The following HECW2 variants were observed in gnomAD, a reference collection of about 807,000 sequenced individuals.
The protein encoded by HECW2 is HECT, C2 and WW domain containing E3 ubiquitin protein ligase 2.
Under a neutral mutation model 175.2 loss-of-function variants are expected in HECW2, and 61 were observed. The observed-to-expected ratio is 0.35, with a 90% confidence interval of 0.28 to 0.43. The LOEUF (loss-of-function observed/expected upper bound fraction) is 0.43. HECW2 is among the 20% of genes least tolerant of loss of function. The pLI is 1.00. For missense variants in HECW2, 1,524 were observed against 2,000.5 expected, an observed-to-expected ratio of 0.76 and a Z score of 4.54; for synonymous variants, 671 against 731.0, an observed-to-expected ratio of 0.92 and a Z score of 1.32.
At chr2:196,217,274 C>A in intron 26 of HECW2, 181 bp from the exon 27 acceptor site, 1 of 437,600 alleles carries the variant, frequency 2.3e-6, no homozygotes, top group Non-Finnish European at 4.1e-6. Flanking sequence ...AAAAGTTAAA[C>A]AAAAACAACA....
At chr2:196,238,507 T>G (rs567000121) in intron 21 of HECW2, 1 of 152,194 alleles carries the variant, frequency 6.6e-6, no homozygotes, top group Non-Finnish European at 1.5e-5. Context: ...ACTGTTTTCA[T>G]CTCTCAAAAA....
intron 1 of HECW2, among the ~76,000 whole-genome samples, chr2:196,444,705 T>C (rs1046766739): frequency 6.6e-6 from 1 of 152,182 alleles, no homozygotes; most frequent in African/African-American, 2.4e-5. Context: ...AGGAACCAAG[T>C]TGGACAAGGG....
At chr2:196,496,377 T>C (rs944216011) in intron 1 of HECW2, among the ~76,000 whole-genome samples, 12 of 150,994 alleles carry the variant, frequency 7.9e-5, no homozygotes, top group Admixed American at 6.6e-4. Flanking sequence ...TGGGTTGATA[T>C]GAGCAACACT....
At chr2:196,309,360 A>C (rs1045120946) in intron 10 of HECW2, among the ~76,000 whole-genome samples, 1 of 152,062 alleles carries the variant, frequency 6.6e-6, no homozygotes, top group African/African-American at 2.4e-5. Flanking sequence ...ACAGCAAACA[A>C]CTCAATGCCA....
intron 1 of HECW2, among the ~76,000 whole-genome samples, chr2:196,590,268 C>G (rs1691138922): frequency 6.6e-6 from 1 of 152,140 alleles, no homozygotes; most frequent in African/African-American, 2.4e-5. Context: ...ATCTCGTCAC[C>G]TTTCTAATCT....
intron 1 of HECW2, among the ~76,000 whole-genome samples, chr2:196,446,795 T>A (rs1247400162): frequency 6.6e-6 from 1 of 152,090 alleles, no homozygotes; most frequent in African/African-American, 2.4e-5. Context: ...ATAACCACAT[T>A]AGGAAGAAAG....
At chr2:196,284,728 A>T (rs928382866) in intron 14 of HECW2, among the ~76,000 whole-genome samples, 8 of 152,236 alleles carry the variant, frequency 5.3e-5, no homozygotes, top group African/African-American at 1.9e-4. Context: ...CCAGCAATGA[A>T]GCTGACCTAG....
intron 22 of HECW2, among the ~76,000 whole-genome samples, chr2:196,226,811 T>C (rs1687867938): frequency 6.6e-6 from 1 of 152,226 alleles, no homozygotes; most frequent in Non-Finnish European, 1.5e-5. Context: ...ATTCAAGAAT[T>C]GTGCACATGG....
intron 14 of HECW2, among the ~76,000 whole-genome samples, chr2:196,284,325 T>C (rs928380754): frequency 8.5e-5 from 13 of 152,232 alleles, no homozygotes; most frequent in African/African-American, 3.1e-4. Flanking sequence ...CAAGGGGCTC[T>C]ATTTCAGAGT....
chr2:196,265,863 G>A (rs1689494296), intron 17 of HECW2, among the ~76,000 whole-genome samples: 1 of 152,058 alleles, frequency 6.6e-6, no homozygotes, highest in Non-Finnish European at 1.5e-5. Context: ...TCACCTGGTG[G>A]GTAAATTGCA....
intron 2 of HECW2, among the ~76,000 whole-genome samples, chr2:196,430,122 G>C (rs144642714): frequency 1.0e-3 from 157 of 152,250 alleles, no homozygotes; most frequent in African/African-American, 3.8e-3. Context: ...ACCATACACT[G>C]ATTTTACCAC....
chr2:196,408,727 A>G (rs1695029244), intron 2 of HECW2, among the ~76,000 whole-genome samples: 2 of 152,214 alleles, frequency 1.3e-5, no homozygotes, highest in South Asian at 4.1e-4. Context: ...CAAAGGAAAT[A>G]TCTCCCTTTA....
chr2:196,300,445 A>G (rs1691002031), intron 13 of HECW2, among the ~76,000 whole-genome samples: 1 of 152,248 alleles, frequency 6.6e-6, no homozygotes, highest in Admixed American at 6.5e-5. Flanking sequence ...ACATGAAGAA[A>G]TGTAAGTCTA....
At chr2:196,346,186 T>TA (rs1460267714) in intron 2 of HECW2, among the ~76,000 whole-genome samples, 1 of 152,266 alleles carries the variant, frequency 6.6e-6, no homozygotes, top group Non-Finnish European at 1.5e-5. Context: ...GACCTCACTG[T>TA]AAAAGTGTAT....
intron 1 of HECW2, among the ~76,000 whole-genome samples, chr2:196,491,499 TATACACACAC>T (rs1687194917): frequency 7.6e-6 from 1 of 131,952 alleles, no homozygotes; most frequent in African/African-American, 3.6e-5. Context: ...CATATATATA[TATACACACAC>T]ACACACACAC....
chr2:196,538,565 C>T (rs184426492), intron 1 of HECW2, among the ~76,000 whole-genome samples: 1 of 152,294 alleles, frequency 6.6e-6, no homozygotes, highest in African/African-American at 2.4e-5. Context: ...AGTCTTGTAT[C>T]AGGGAAGCCA....
At chr2:196,558,481 T>C (rs906834248) in intron 1 of HECW2, among the ~76,000 whole-genome samples, 1 of 152,240 alleles carries the variant, frequency 6.6e-6, no homozygotes, top group Non-Finnish European at 1.5e-5. Flanking sequence ...AGCATACTTT[T>C]TGAAACAAAA....
chr2:196,248,601 C>G (rs62184579), intron 19 of HECW2, among the ~76,000 whole-genome samples: 287 of 75,794 alleles, frequency 3.8e-3, no homozygotes, highest in African/African-American at 5.5e-3. Context: ...CAGACAGACA[C>G]ACACACACAC....
chr2:196,225,937 T>G lies in HECW2; in HGVS notation c.3918-67A>C, dbSNP rs1431792858. On this transcript the variant is annotated intron_variant, in intron 22 of 28. Transcript: ENST00000644978. Reference sequence around the variant, plus strand: ...AGTTTCTAGGTGGTTCCATATGCTTTCTAGAATGCCTTCCAGCGCTAACCA... The same window carrying G: ...AGTTTCTAGGTGGTTCCATATGCTTGCTAGAATGCCTTCCAGCGCTAACCA... The G allele has an allele frequency of 4.1e-6, 4 of 966,174 alleles. No individual in the cohort carries two copies. The African/African-American group carries it at 6.5e-5, about 16-fold the overall frequency. 59.9% of individuals were successfully genotyped at this position (966,174 alleles called of 1,614,324 possible).
Sources: gnomAD v4.1 joint callset for allele counts (sites outside exome capture counted in the v4.1 genomes callset) on GRCh38, gnomAD v4.1.1 for gene constraint, MANE v1.5 for transcripts, NCBI Gene and HGNC (gene_info 2026-07-23, HGNC 2026-07-21) for gene names.